The following GPC6 variants were observed in gnomAD, a reference collection of about 807,000 sequenced individuals.
GPC6 encodes glypican 6, also known as glypican-6.
In GPC6, 14 loss-of-function variants were observed where a neutral mutation model predicts 55.2. That is an observed-to-expected ratio of 0.25 (90% CI 0.17 to 0.40). The LOEUF is 0.40. GPC6 is among the 10% of genes least tolerant of loss of function. The pLI, the probability that GPC6 is intolerant of heterozygous loss-of-function variation, is 1.00. For synonymous variants in GPC6, 278 were observed against 259.6 expected (o/e 1.07, Z -0.68); for missense variants, 641 against 708.5 (o/e 0.90, Z 1.08).
intron 2 of GPC6, among the ~76,000 whole-genome samples, chr13:93,660,801 T>G (rs1566473838): frequency 6.6e-6 from 1 of 152,202 alleles, no homozygotes; most frequent in South Asian, 2.1e-4. Context: ...TAATTTACAC[T>G]GGATCTTTAG....
At chr13:93,682,755 C>A (rs183840917) in intron 2 of GPC6, among the ~76,000 whole-genome samples, 27 of 151,770 alleles carry the variant, frequency 1.8e-4, no homozygotes, top group African/African-American at 6.5e-4. Flanking sequence ...GGCCTGTAAT[C>A]CCAGCACTTT....
chr13:93,471,506 G>A (rs1292741611), intron 1 of GPC6, among the ~76,000 whole-genome samples: 10 of 152,106 alleles, frequency 6.6e-5, no homozygotes, highest in Non-Finnish European at 1.5e-4. Context: ...GGGCGACAGA[G>A]CGAGACTCCA....
intron 2 of GPC6, among the ~76,000 whole-genome samples, chr13:93,643,207 A>T (rs1348730154): frequency 6.6e-6 from 1 of 152,082 alleles, no homozygotes; most frequent in Non-Finnish European, 1.5e-5. Context: ...TGAATTTCAA[A>T]GTTTCCTAAT....
At chr13:93,946,810 C>A (rs558473545) in intron 3 of GPC6, among the ~76,000 whole-genome samples, 1 of 152,248 alleles carries the variant, frequency 6.6e-6, no homozygotes, top group South Asian at 2.1e-4. Flanking sequence ...TGTGTATTTT[C>A]CTTACTTTTT....
At chr13:93,733,333 G>T (rs1056204738) in intron 2 of GPC6, among the ~76,000 whole-genome samples, 2 of 151,692 alleles carry the variant, frequency 1.3e-5, no homozygotes, top group Non-Finnish European at 1.5e-5. Flanking sequence ...TAAATTTCAG[G>T]ATAAAAATTA....
chr13:93,327,408 G>A (rs925522418), intron 1 of GPC6, among the ~76,000 whole-genome samples: 2 of 152,108 alleles, frequency 1.3e-5, no homozygotes, highest in Non-Finnish European at 2.9e-5. Flanking sequence ...TCTTAGTTGG[G>A]TTTGCAGTTT....
intron 1 of GPC6, among the ~76,000 whole-genome samples, chr13:93,343,220 C>T (rs1880319254): frequency 6.8e-6 from 1 of 148,076 alleles, no homozygotes; most frequent in Admixed American, 7.0e-5. Flanking sequence ...TAAGACAGTT[C>T]ATTTACATAA....
At chr13:94,229,523 G>A (rs527467259) in intron 4 of GPC6, among the ~76,000 whole-genome samples, 5 of 152,186 alleles carry the variant, frequency 3.3e-5, no homozygotes, top group Admixed American at 1.3e-4. Context: ...CAGAAGCCAA[G>A]GAGTATTTTA....
intron 4 of GPC6, among the ~76,000 whole-genome samples, chr13:94,184,376 C>T (rs1342635209): frequency 6.6e-6 from 1 of 151,326 alleles, no homozygotes; most frequent in Non-Finnish European, 1.5e-5. Flanking sequence ...AGAAAATATT[C>T]TCAAACTATG....
chr13:94,361,832 G>A (rs1187231531), intron 6 of GPC6, among the ~76,000 whole-genome samples: 1 of 152,156 alleles, frequency 6.6e-6, no homozygotes, highest in Non-Finnish European at 1.5e-5. Flanking sequence ...GGGAAAGGTG[G>A]TTTCTAATGT....
chr13:94,308,217 A>G (rs1876058198), intron 6 of GPC6, among the ~76,000 whole-genome samples: 1 of 152,216 alleles, frequency 6.6e-6, no homozygotes, highest in African/African-American at 2.4e-5. Flanking sequence ...ACCCTTAAAC[A>G]GGGGAAGTAG....
chr13:94,363,452 G>A (rs969625882), intron 6 of GPC6, among the ~76,000 whole-genome samples: 2 of 152,180 alleles, frequency 1.3e-5, no homozygotes, highest in Non-Finnish European at 2.9e-5. Context: ...TGGGGGTATG[G>A]AGCAGGGGCA....
At chr13:94,084,427 C>T (rs2138801786) in intron 4 of GPC6, among the ~76,000 whole-genome samples, 1 of 152,202 alleles carries the variant, frequency 6.6e-6, no homozygotes, top group Middle Eastern at 3.4e-3. Flanking sequence ...TTTTACTTAG[C>T]CATGATTCAT....
intron 4 of GPC6, among the ~76,000 whole-genome samples, chr13:94,247,963 A>G (rs534300597): frequency 6.6e-6 from 1 of 152,156 alleles, no homozygotes; most frequent in Admixed American, 6.6e-5. Context: ...CAGCCTCCCA[A>G]GTAGCTGAGG....
intron 6 of GPC6, among the ~76,000 whole-genome samples, chr13:94,315,719 A>G (rs2139123293): frequency 6.6e-6 from 1 of 152,362 alleles, no homozygotes; most frequent in Non-Finnish European, 1.5e-5. Flanking sequence ...CTCCAACCCT[A>G]AGACAAACCT....
At chr13:94,109,334 CTTG>C (rs749656270) in intron 4 of GPC6, among the ~76,000 whole-genome samples, 1 of 152,124 alleles carries the variant, frequency 6.6e-6, no homozygotes, top group African/African-American at 2.4e-5. Flanking sequence ...TAATCTATCA[CTTG>C]TTATTATTAT....
At chr13:94,373,139 C>T (rs1160753900) in intron 6 of GPC6, among the ~76,000 whole-genome samples, 2 of 152,128 alleles carry the variant, frequency 1.3e-5, no homozygotes, top group Non-Finnish European at 2.9e-5. Context: ...AAACTGGAAA[C>T]TCTAAAAAGC....
chr13:94,147,642 C>G (rs1164499114), intron 4 of GPC6, among the ~76,000 whole-genome samples: 1 of 152,092 alleles, frequency 6.6e-6, no homozygotes, highest in Non-Finnish European at 1.5e-5. Context: ...GACACTGGAC[C>G]AAAGATCAGA....
At position 93,344,629 on chromosome 13, in the gene GPC6, T is replaced by G. The variant is rs527646017; in HGVS notation, c.160+117013T>G. ...TTTTGGTTCTGTTCCCGTGTCCTAT[T>G]TCCACTATTGAATAGGAGTATTTAA... On this transcript the variant is annotated intron_variant, in intron 1 of 8. Coordinates refer to ENST00000377047, the MANE Select transcript of GPC6 (RefSeq NM_005708.5). Among the ~76,000 whole-genome samples, 77 of 152,358 alleles carry G rather than the reference T, an allele frequency of 5.1e-4. No individual in the cohort carries two copies. In the South Asian group the frequency reaches 5.4e-3, roughly 11 times the overall value.
Sources: allele counts gnomAD v4.1 joint callset (sites outside exome capture counted in the v4.1 genomes callset), GRCh38; gene constraint gnomAD v4.1.1; transcripts MANE v1.5; gene names NCBI Gene and HGNC (gene_info 2026-07-23, HGNC 2026-07-21).